The following ATP2B2 variants were observed in gnomAD, a reference collection of about 807,000 sequenced individuals.
ATP2B2 encodes ATPase plasma membrane Ca2+ transporting 2.
In ATP2B2, 15 loss-of-function variants were observed where a neutral mutation model predicts 120.0. The ratio of observed to expected loss-of-function variants is 0.12; its 90% confidence interval spans 0.08 to 0.19. The LOEUF is 0.19. Among genes scored for constraint, ATP2B2 ranks in the 10% least tolerant of loss-of-function variants. The pLI, the probability that ATP2B2 is intolerant of heterozygous loss-of-function variation, is 1.00. For missense variants in ATP2B2, 1,045 were observed against 1,719.8 expected (o/e 0.61, Z 6.94); for synonymous variants, 694 against 700.3 (o/e 0.99, Z 0.14).
intron 1 of ATP2B2, among the ~76,000 whole-genome samples, chr3:10,676,077 G>A (rs973065014): frequency 6.6e-6 from 1 of 152,200 alleles, no homozygotes; most frequent in Non-Finnish European, 1.5e-5. Flanking sequence ...GCAGAGATTG[G>A]ATGTGTATTG....
At position 10,526,243 on chromosome 3, in the gene ATP2B2, G is replaced by A. The variant is rs531226951; in HGVS notation, c.-320+7796C>T. On this transcript the variant is annotated intron_variant, in intron 3 of 21. Coordinates refer to the ATP2B2 transcript ENST00000646379. ...TCTGCCTGGGAGGGCCAGGAGGTGG[G>A]AGAGACAGAGCAAAGCCTGCAAAGA... 3.5e-4 allele frequency among the ~76,000 whole-genome samples: 53 copies of A among 152,294 alleles called. 1 individual carries two copies. The highest frequency in any genetic ancestry group is 3.4e-3 in the Middle Eastern group (1 of 294).
At chr3:10,526,222 C>T (rs1001703002) in intron 3 of ATP2B2, among the ~76,000 whole-genome samples, 4 of 152,194 alleles carry the variant, frequency 2.6e-5, no homozygotes, top group African/African-American at 4.8e-5. Flanking sequence ...TTCATCTCTG[C>T]CTGGGAGGGC....
At chr3:10,669,177 TC>T (rs1300959399) in intron 1 of ATP2B2, among the ~76,000 whole-genome samples, 2 of 152,190 alleles carry the variant, frequency 1.3e-5, no homozygotes, top group Non-Finnish European at 2.9e-5. Context: ...GCTTTTCTCT[TC>T]CTGTCCCAAA....
intron 2 of ATP2B2, among the ~76,000 whole-genome samples, chr3:10,606,087 C>T (rs907964251): frequency 1.3e-5 from 2 of 152,094 alleles, no homozygotes; most frequent in African/African-American, 2.4e-5. Context: ...CACCGCACTC[C>T]AGCCTGGGTG....
At chr3:10,358,526 G>A (rs949019330) in intron 14 of ATP2B2, among the ~76,000 whole-genome samples, 165 bp downstream of exon 14, 5 of 152,214 alleles carry the variant, frequency 3.3e-5, no homozygotes, top group African/African-American at 1.2e-4. Context: ...GGTCTACACT[G>A]TTTCTCATGG....
At chr3:10,494,469 C>T (rs576078465) in intron 1 of ATP2B2, among the ~76,000 whole-genome samples, 5 of 152,156 alleles carry the variant, frequency 3.3e-5, no homozygotes, top group Non-Finnish European at 1.5e-5. Flanking sequence ...CCTCAAGCTC[C>T]AGGGGCTGCT....
intron 1 of ATP2B2, among the ~76,000 whole-genome samples, chr3:10,690,474 ATC>A (rs1259809378): frequency 2.0e-5 from 3 of 151,956 alleles, no homozygotes; most frequent in African/African-American, 4.8e-5. Context: ...CTATCTATCT[ATC>A]TATATATCTC....
At chr3:10,544,692 C>A (rs993555784) in intron 2 of ATP2B2, among the ~76,000 whole-genome samples, 13 of 152,216 alleles carry the variant, frequency 8.5e-5, no homozygotes, top group African/African-American at 3.1e-4. Context: ...GAGGGCTCCA[C>A]CTGTGCTCAA....
chr3:10,387,574 C>T (rs987489551), intron 6 of ATP2B2, among the ~76,000 whole-genome samples: 1 of 152,212 alleles, frequency 6.6e-6, no homozygotes, highest in Admixed American at 6.5e-5. Context: ...GGACCAGAAG[C>T]CTGGGCCTTT....
At chr3:10,610,686 G>A (rs1437099122) in intron 2 of ATP2B2, among the ~76,000 whole-genome samples, 1 of 152,130 alleles carries the variant, frequency 6.6e-6, no homozygotes, top group Non-Finnish European at 1.5e-5. Context: ...ATATCTTCCT[G>A]GGTCTCATCC....
chr3:10,385,399 C>T (rs1313759896), intron 7 of ATP2B2, 72 bp from the exon 8 acceptor site: 6 of 1,361,238 alleles, frequency 4.4e-6, no homozygotes, highest in African/African-American at 1.4e-5. Context: ...AAGACATGAA[C>T]CAACTTGTGG....
chr3:10,584,733 A>G (rs1327470401), intron 2 of ATP2B2, among the ~76,000 whole-genome samples: 2 of 152,024 alleles, frequency 1.3e-5, no homozygotes, highest in African/African-American at 2.4e-5. Context: ...TTCCCACTCC[A>G]CCACTTCCCA....
At chr3:10,485,352 G>A (rs771102102) in intron 1 of ATP2B2, among the ~76,000 whole-genome samples, 2 of 152,248 alleles carry the variant, frequency 1.3e-5, no homozygotes, top group African/African-American at 4.8e-5. Context: ...AGGGCTGGGA[G>A]CTTTGCCCCT....
At chr3:10,537,078 C>T (rs1346414756) in intron 2 of ATP2B2, among the ~76,000 whole-genome samples, 1 of 152,162 alleles carries the variant, frequency 6.6e-6, no homozygotes, top group Non-Finnish European at 1.5e-5. Flanking sequence ...CTTTCTGGGT[C>T]ATCTACTCAG....
At position 10,331,469 on chromosome 3, in the gene ATP2B2, C is replaced by T. The variant is rs1021704253; in HGVS notation, c.3421-2344G>A. On this transcript the variant is annotated intron_variant, in intron 22 of 22. Transcript: ENST00000360273. Reference sequence around the variant, plus strand: ...ATGGTGGCAGGACCCTGTCATGTGACTGACAACGCAGAGGGGATGACACAC... The same window carrying T: ...ATGGTGGCAGGACCCTGTCATGTGATTGACAACGCAGAGGGGATGACACAC... Among the ~76,000 whole-genome samples the T allele has an allele frequency of 6.6e-5, 10 of 152,144 alleles. 1 individual carries two copies. The highest frequency in any genetic ancestry group is 6.5e-4 in the Admixed American group (10 of 15,282).
At chr3:10,406,345 C>G (rs1245753349) in intron 3 of ATP2B2, among the ~76,000 whole-genome samples, 1 of 152,204 alleles carries the variant, frequency 6.6e-6, no homozygotes, top group Non-Finnish European at 1.5e-5. Context: ...GCAACAGTGT[C>G]ACGGCTGGAC....
At chr3:10,536,109 A>G (rs1002349801) in intron 2 of ATP2B2, among the ~76,000 whole-genome samples, 1 of 152,016 alleles carries the variant, frequency 6.6e-6, no homozygotes, top group Non-Finnish European at 1.5e-5. Flanking sequence ...TTTATTTTGC[A>G]TTTCCCTAAT....
intron 1 of ATP2B2, among the ~76,000 whole-genome samples, chr3:10,488,527 CTTCT>C (rs1390529974): frequency 7.2e-6 from 1 of 139,338 alleles, no homozygotes; most frequent in South Asian, 2.3e-4. Flanking sequence ...TCCTTCCTTC[CTTCT>C]TTCCTTCCTT....
At chr3:10,571,559 G>A (rs1043218127) in intron 2 of ATP2B2, among the ~76,000 whole-genome samples, 1 of 152,240 alleles carries the variant, frequency 6.6e-6, no homozygotes, top group African/African-American at 2.4e-5. Context: ...TCTGGCAAGA[G>A]TTGGGGGCCT....
Sources: gnomAD v4.1 joint callset for allele counts (sites outside exome capture counted in the v4.1 genomes callset) on GRCh38, gnomAD v4.1.1 for gene constraint, MANE v1.5 for transcripts, NCBI Gene and HGNC (gene_info 2026-07-23, HGNC 2026-07-21) for gene names.